The following FAAH2 variants were observed in gnomAD, a reference collection of about 807,000 sequenced individuals.
FAAH2 encodes the protein fatty acid amide hydrolase 2.
In FAAH2, 60 loss-of-function variants were observed where a neutral mutation model predicts 36.9. That is an observed-to-expected ratio of 1.63 (90% confidence interval 1.32 to 2.02). The LOEUF (loss-of-function observed/expected upper bound fraction) is 2.02. Ranked by LOEUF, FAAH2 falls within the 30% of genes most tolerant of loss-of-function variation. FAAH2 has a pLI of 0.00. For synonymous variants in FAAH2, 214 were observed against 143.8 expected, an observed-to-expected ratio of 1.49 and a Z score of -3.49; for missense variants, 689 against 397.5, an observed-to-expected ratio of 1.73 and a Z score of -6.23.
intron 10 of FAAH2, among the ~76,000 whole-genome samples, chrX:57,482,092 C>T (rs141294018): frequency 9.0e-6 from 1 of 111,627 alleles, no homozygotes; most frequent in African/African-American, 3.2e-5. Context: ...CTCCCCCCAC[C>T]AAGCTCAATT....
At chrX:57,151,948 C>T in the FAAH2 span, among the ~76,000 whole-genome samples, 4 of 111,546 alleles carry the variant, frequency 3.6e-5, no homozygotes, top group Admixed American at 3.8e-4. Flanking sequence ...TGGGGATGCC[C>T]TTTCTGTTTG....
intron 6 of FAAH2, 57 bp from the exon 7 acceptor site, chrX:57,380,855 A>G (rs936820555): frequency 4.2e-5 from 31 of 730,923 alleles, no homozygotes; most frequent in Non-Finnish European, 5.4e-5. Context: ...TCAGGATTGA[A>G]CTATTAAGGA....
At chrX:57,296,389 G>A (rs746354048) in intron 2 of FAAH2, among the ~76,000 whole-genome samples, 83 of 111,947 alleles carry the variant, frequency 7.4e-4, no homozygotes, top group African/African-American at 2.6e-3. Flanking sequence ...GCAGCTGAGG[G>A]TCCTGACTGT....
chrX:57,293,152 C>T (rs1238831999), intron 2 of FAAH2, among the ~76,000 whole-genome samples: 1 of 111,108 alleles, frequency 9.0e-6, no homozygotes, highest in Non-Finnish European at 1.9e-5. Context: ...TCGTGTAGCT[C>T]TCAGCCATTC....
rs1157128763 is a variant in FAAH2, at chrX:57,310,661, C to T, written c.344C>T (p.Ala115Val). 8.3e-7 allele frequency: 1 copy of T among 1,206,720 alleles called. No homozygotes were observed. The highest frequency in any genetic ancestry group is 1.8e-5 in the African/African-American group (1 of 57,050). Residue 115 changes from alanine to valine, a missense_variant, in exon 3 of 11, where the codon GCC (alanine) becomes GTC (valine). By Grantham distance (64) the Ala-to-Val change is moderately conservative. Coordinates refer to ENST00000374900, the MANE Select transcript of FAAH2 (RefSeq NM_174912.4). ...QKLAEKQEDE[A>V]TLENKWPFLG... ...CTTGCAGAGAAGCAGGAAGATGAAG[C>T]CACCCTGGAAAATAAATGGCCCTTC...
intron 7 of FAAH2, chrX:57,394,813 C>A: frequency 9.2e-7 from 1 of 1,090,016 alleles, no homozygotes; most frequent in Non-Finnish European, 1.3e-6. Context: ...CCTCCTCATC[C>A]AGATTGGCAG....
chrX:57,231,293 A>G, the FAAH2 span, among the ~76,000 whole-genome samples: 1 of 110,750 alleles, frequency 9.0e-6, no homozygotes, highest in East Asian at 2.8e-4. Flanking sequence ...TATGAATTTT[A>G]TCTTCCTAGC....
At chrX:57,453,695 G>T (rs1011571058) in intron 10 of FAAH2, among the ~76,000 whole-genome samples, 3 of 112,137 alleles carry the variant, frequency 2.7e-5, no homozygotes, top group Non-Finnish European at 5.6e-5. Context: ...TCCCACATCT[G>T]CCTGAACTCT....
chrX:57,371,637 T>G (rs867276875), intron 5 of FAAH2, among the ~76,000 whole-genome samples: 13 of 90,835 alleles, frequency 1.4e-4, no homozygotes, highest in East Asian at 3.8e-4. Context: ...TTCTATTTTT[T>G]GGGGGGGGGG....
At position 57,307,745 on chromosome X, in the gene FAAH2, T is replaced by G. The variant is rs1320971352; in HGVS notation, c.276-2848T>G. Among the ~76,000 whole-genome samples, 10 of 110,993 alleles carry G rather than the reference T, an allele frequency of 9.0e-5. No homozygotes were observed. The Admixed American group carries it at 9.7e-4, about 11-fold the overall frequency. ...GCAAATGATCCCATCACCCAGATAG[T>G]GAGTATAGTATCCAACAGTTTTTCA... On this transcript the variant is annotated intron_variant, in intron 2 of 10. Coordinates refer to ENST00000374900, the MANE Select transcript of FAAH2 (RefSeq NM_174912.4).
intron 4 of FAAH2, among the ~76,000 whole-genome samples, chrX:57,338,546 T>C (rs898726837): frequency 1.8e-5 from 2 of 111,679 alleles, no homozygotes; most frequent in African/African-American, 6.5e-5. Flanking sequence ...TGGCTTGGCT[T>C]GGGCTCAGAG....
the FAAH2 span, among the ~76,000 whole-genome samples, chrX:57,150,671 G>C: frequency 8.9e-6 from 1 of 111,870 alleles, no homozygotes; most frequent in Admixed American, 9.5e-5. Context: ...TGTGAGATGG[G>C]TTTCGTGAAT....
chrX:57,331,566 T>C (rs761603908), intron 3 of FAAH2, 32 bp from the exon 4 acceptor site: 11 of 1,155,842 alleles, frequency 9.5e-6, no homozygotes, highest in Middle Eastern at 2.4e-4. Context: ...TATTTAATAA[T>C]TTTTAAACAT....
chrX:57,386,203 C>A (rs1470487812), intron 7 of FAAH2, among the ~76,000 whole-genome samples: 1 of 110,382 alleles, frequency 9.1e-6, no homozygotes, highest in Non-Finnish European at 1.9e-5. Flanking sequence ...GAAAATACTG[C>A]CAATAAAAAT....
intron 6 of FAAH2, among the ~76,000 whole-genome samples, chrX:57,379,531 GCT>G (rs57962376): frequency 0.36 from 36,525 of 102,371 alleles, 5,790 homozygotes; most frequent in Middle Eastern, 0.59. Context: ...TGTCTCTCTC[GCT>G]CTCTCTCTCT....
At chrX:57,367,133 A>G (rs1048949260) in intron 5 of FAAH2, among the ~76,000 whole-genome samples, 1 of 112,798 alleles carries the variant, frequency 8.9e-6, no homozygotes, top group African/African-American at 3.2e-5. Context: ...TAAACATTGA[A>G]ATATATCATG....
the FAAH2 span, among the ~76,000 whole-genome samples, chrX:57,239,030 G>T: frequency 8.9e-6 from 1 of 111,907 alleles, no homozygotes; most frequent in Non-Finnish European, 1.9e-5. Context: ...CTTTATGCCT[G>T]CATAGTATTC....
chrX:57,375,501 G>C (rs2054652553), intron 5 of FAAH2, among the ~76,000 whole-genome samples: 1 of 109,050 alleles, frequency 9.2e-6, no homozygotes, highest in African/African-American at 3.3e-5. Flanking sequence ...ATGTTTTCTA[G>C]TTTATGCTAG....
the FAAH2 span, among the ~76,000 whole-genome samples, chrX:57,161,334 C>G: frequency 2.7e-5 from 3 of 111,639 alleles, no homozygotes; most frequent in Non-Finnish European, 5.6e-5. Flanking sequence ...AATGTATATT[C>G]TGTTGATTTG....
Sources: gnomAD v4.1 joint callset for allele counts (sites outside exome capture counted in the v4.1 genomes callset) on GRCh38, gnomAD v4.1.1 for gene constraint, MANE v1.5 for transcripts, NCBI Gene and HGNC (gene_info 2026-07-23, HGNC 2026-07-21) for gene names.